Variants in EPB41 observed in about 807,000 individuals in gnomAD.
EPB41 encodes erythrocyte membrane protein band 4.1.
A neutral mutation model predicts 108.0 loss-of-function variants in EPB41; 65 were observed. The observed-to-expected ratio is 0.60, with a 90% CI of 0.49 to 0.74. EPB41 has a LOEUF of 0.74. Among genes scored for constraint, EPB41 ranks in the 30% least tolerant of loss-of-function variants. The probability of loss-of-function intolerance (pLI) is 0.00; values close to 1 mark genes in which losing one functional copy is unlikely to be tolerated. For synonymous variants in EPB41, 336 were observed against 358.9 expected, an observed-to-expected ratio of 0.94 and a Z score of 0.72; for missense variants, 875 against 1,037.0, an observed-to-expected ratio of 0.84 and a Z score of 2.15.
chr1:28,957,823 TCTC>T (rs1374718164), intron 1 of EPB41, among the ~76,000 whole-genome samples: 7 of 152,176 alleles, frequency 4.6e-5, no homozygotes, highest in African/African-American at 1.2e-4. Flanking sequence ...AACCTGTGCT[TCTC>T]CTCCAATTCC....
At chr1:28,903,744 C>T (rs1000200433) in intron 1 of EPB41, among the ~76,000 whole-genome samples, 1 of 152,092 alleles carries the variant, frequency 6.6e-6, no homozygotes, top group Non-Finnish European at 1.5e-5. Context: ...CACATATTAG[C>T]TCCACTTTAT....
intron 1 of EPB41, among the ~76,000 whole-genome samples, chr1:28,896,495 C>A (rs1166163213): frequency 1.3e-5 from 2 of 152,204 alleles, no homozygotes; most frequent in African/African-American, 4.8e-5. Flanking sequence ...TAGTCCTTCC[C>A]CACCTTCCCC....
At position 29,115,780 on chromosome 1, in the gene EPB41, G is replaced by C. The variant is rs201016843; in HGVS notation, c.2578G>C (p.Glu860Gln). ...VTKVVVHQET[E>Q]IADE ...CAAGGTGGTCGTCCACCAGGAGACCGAGATTGCTGATGAGTGAGCTCAGGT... is the reference window on the plus strand; with the variant it reads ...CAAGGTGGTCGTCCACCAGGAGACCCAGATTGCTGATGAGTGAGCTCAGGT... The change falls in exon 20 of 21, where the codon GAG becomes CAG. Residue 860 changes from glutamate to glutamine, a missense_variant. By Grantham distance (29) the Glu-to-Gln change is conservative (BLOSUM62 2). Transcript: ENST00000343067. This position sits in a 1 kb window ranked among gnomAD's most constrained non-coding sequence, Gnocchi z 4.4. The C allele has an allele frequency of 6.2e-7, 1 of 1,613,996 alleles. No homozygotes were observed.
At chr1:29,079,538 G>A (rs1043258217) in intron 16 of EPB41, among the ~76,000 whole-genome samples, 3 of 151,370 alleles carry the variant, frequency 2.0e-5, no homozygotes, top group African/African-American at 7.3e-5. Flanking sequence ...AGCTTCCCAA[G>A]TAGCTGGGAT....
chr1:29,078,433 T>G (rs1275752083), intron 16 of EPB41, among the ~76,000 whole-genome samples: 2 of 152,154 alleles, frequency 1.3e-5, no homozygotes, highest in Non-Finnish European at 2.9e-5. Context: ...TTCATTTCTA[T>G]TAAGCAGTCA....
chr1:28,930,960 A>C (rs1020315053), intron 1 of EPB41, among the ~76,000 whole-genome samples: 3 of 152,222 alleles, frequency 2.0e-5, no homozygotes, highest in African/African-American at 4.8e-5. Context: ...TGAAAGTATG[A>C]GGCAGACTAA....
At position 29,035,871 on chromosome 1, in the gene EPB41, C is replaced by G; in HGVS notation, c.1411C>G (p.Arg471Gly). The change falls in exon 10 of 21, where the codon CGA (arginine) becomes GGA (glycine). Residue 471 changes from arginine (R) to glycine (G), a missense_variant. Transcript: ENST00000343067. ...CATCGGATTCAAACTTCCCAGTTACCGAGCAGCTAAGAAATTATGGAAAGT... is the reference window on the plus strand; with the variant it reads ...CATCGGATTCAAACTTCCCAGTTACGGAGCAGCTAAGAAATTATGGAAAGT... ...STIGFKLPSY[R>G]AAKKLWKVCV... is the part of the protein sequence containing the mutation. 1.2e-6 allele frequency: 2 copies of G among 1,614,018 alleles called. No individual in the cohort carries two copies. The highest frequency in any genetic ancestry group is 1.7e-6 in the Non-Finnish European group (2 of 1,179,950).
intron 1 of EPB41, chr1:28,893,229 C>T (rs2090316305): frequency 6.6e-6 from 1 of 152,090 alleles, no homozygotes; most frequent in African/African-American, 2.4e-5. Flanking sequence ...CTCCACCACA[C>T]ACACCTAATT....
At chr1:29,044,352 G>A (rs1309431780) in intron 11 of EPB41, among the ~76,000 whole-genome samples, 1 of 152,194 alleles carries the variant, frequency 6.6e-6, no homozygotes, top group African/African-American at 2.4e-5. Flanking sequence ...TATGCCTGAT[G>A]TATTGTCTTT....
intron 16 of EPB41, among the ~76,000 whole-genome samples, chr1:29,095,183 G>C (rs566485117): frequency 6.6e-6 from 1 of 152,294 alleles, no homozygotes; most frequent in African/African-American, 2.4e-5. Flanking sequence ...GTGGAGTGAG[G>C]TATTTGGCCC....
chr1:29,036,262 T>C (rs1229204416), intron 10 of EPB41, among the ~76,000 whole-genome samples: 6 of 149,624 alleles, frequency 4.0e-5, no homozygotes, highest in Non-Finnish European at 1.5e-5. Flanking sequence ...TGATTTTTTT[T>C]TTTTTTTTTT....
In EPB41 at chr1:29,001,842, T is replaced by C. The variant is rs187914433; in HGVS notation, c.786+4523T>C. 2.6e-5 allele frequency among the ~76,000 whole-genome samples: 4 copies of C among 152,324 alleles called. No individual in the cohort carries two copies. The East Asian group carries it at 7.7e-4, about 29-fold the overall frequency. On this transcript the variant is annotated intron_variant, in intron 4 of 20. Transcript: ENST00000343067. ...GTTGAGAGTTTACAATTATATATCT[T>C]GGTGTGGGTTGATTTTCATCTATTG...
intron 1 of EPB41, among the ~76,000 whole-genome samples, chr1:28,894,506 G>T (rs2090458945): frequency 6.6e-6 from 1 of 152,212 alleles, no homozygotes; most frequent in Non-Finnish European, 1.5e-5. Flanking sequence ...AAGGGGCCAA[G>T]TACCAAGCAT....
In EPB41 at chr1:28,887,188, G is replaced by A. The variant is rs772092756; in HGVS notation, c.-30G>A. 4.0e-6 allele frequency: 5 copies of A among 1,257,842 alleles called. No homozygotes were observed. The African/African-American group carries it at 4.6e-5, about 12-fold the overall frequency. 77.9% of individuals were successfully genotyped at this position (1,257,842 alleles called of 1,614,324 possible). A position where few individuals can be genotyped will look rare whatever the true frequency, so the allele number is the denominator to read the frequency against. The stretch of plus-strand genomic sequence containing the variant: ...CGCGGAGCCAGAACGCGGTCGGCCC[G>A]GTCCCCGCCGCACCCAGCCCAGGTG... On this transcript the variant is annotated 5_prime_UTR_variant, in exon 1 of 17. Transcript: ENST00000347529. This position sits in a 1 kb window ranked among gnomAD's most constrained non-coding sequence, Gnocchi z 4.9.
chr1:28,950,720 C>T, intron 1 of EPB41, among the ~76,000 whole-genome samples: 1 of 152,300 alleles, frequency 6.6e-6, no homozygotes, highest in East Asian at 1.9e-4. Flanking sequence ...CAAAAATCCC[C>T]ATATAATTAA....
chr1:29,077,346 G>A (rs1317708097), intron 16 of EPB41, among the ~76,000 whole-genome samples: 1 of 151,942 alleles, frequency 6.6e-6, no homozygotes, highest in African/African-American at 2.4e-5. Context: ...TGAGGCAGGA[G>A]GATCACTTGA....
chr1:29,086,863 T>A (rs1659162238), intron 16 of EPB41, among the ~76,000 whole-genome samples: 1 of 152,028 alleles, frequency 6.6e-6, no homozygotes, highest in Non-Finnish European at 1.5e-5. Flanking sequence ...GTAGCAAAAT[T>A]TTAGAAAAAT....
Position 28,887,658 on chromosome 1 carries a change from G to T in EPB41, c.-8+448G>T. The T allele has an allele frequency of 1.8e-5, 18 of 985,220 alleles. No homozygotes were observed. The highest frequency in any genetic ancestry group is 1.9e-5 in the Non-Finnish European group (16 of 829,840). 61.0% of individuals were successfully genotyped at this position (985,220 alleles called of 1,614,324 possible). A position where few individuals can be genotyped will look rare whatever the true frequency, so the allele number is the denominator to read the frequency against. The stretch of plus-strand genomic sequence containing the variant: ...GGCTGGCGGCTAGCAGCGGGAGGGG[G>T]CTCCGGGGCCTGGAGCCCCGCGCCC... On this transcript the variant is annotated intron_variant, in intron 1 of 16. Transcript: ENST00000347529. The surrounding 1 kb of genome is among the most constrained non-coding windows in gnomAD (Gnocchi z 4.9).
At chr1:28,949,901 C>A (rs1007405191) in intron 1 of EPB41, among the ~76,000 whole-genome samples, 3 of 152,040 alleles carry the variant, frequency 2.0e-5, no homozygotes, top group African/African-American at 7.2e-5. Context: ...TGTGCCTGGC[C>A]CCACTCTGTT....
Sources: gnomAD v4.1 joint callset for allele counts (sites outside exome capture counted in the v4.1 genomes callset) on GRCh38, gnomAD v4.1.1 for gene constraint, Gnocchi (gnomAD v3.1) non-coding constraint, MANE v1.5 for transcripts, NCBI Gene and HGNC (gene_info 2026-07-23, HGNC 2026-07-21) for gene names.